PRKN: variants seen among roughly 807,000 people sequenced by gnomAD.
The protein encoded by PRKN is E3 ubiquitin-protein ligase parkin.
A neutral mutation model predicts 59.5 loss-of-function variants in PRKN; 56 were observed. That is an observed-to-expected ratio of 0.94 (90% CI 0.76 to 1.18). The LOEUF (loss-of-function observed/expected upper bound fraction) is 1.18. Among genes scored for constraint, PRKN ranks in the 50% most tolerant of loss-of-function variants. The pLI, the probability that PRKN is intolerant of heterozygous loss-of-function variation, is 0.00. For missense variants in PRKN, 657 were observed against 596.4 expected (o/e 1.10, Z -1.06); for synonymous variants, 250 against 222.1 (o/e 1.13, Z -1.12).
chr6:162,472,645 G>A (rs1165623743), intron 1 of PRKN, among the ~76,000 whole-genome samples: 1 of 124,960 alleles, frequency 8.0e-6, no homozygotes, highest in African/African-American at 2.9e-5. Context: ...CCGCCACCAC[G>A]CCCGGCTAAT....
intron 5 of PRKN, among the ~76,000 whole-genome samples, chr6:162,034,051 G>A (rs1156288568): frequency 6.6e-6 from 1 of 151,850 alleles, no homozygotes. Flanking sequence ...GTATCATAAT[G>A]TTTGAAAGTT....
intron 2 of PRKN, among the ~76,000 whole-genome samples, chr6:162,338,730 G>A (rs963650073): frequency 1.2e-4 from 19 of 152,016 alleles, no homozygotes; most frequent in African/African-American, 3.9e-4. Flanking sequence ...GGGATGTGAG[G>A]AGCCCCTCTG....
At chr6:161,623,681 C>T (rs943615794) in intron 7 of PRKN, among the ~76,000 whole-genome samples, 1 of 152,088 alleles carries the variant, frequency 6.6e-6, no homozygotes, top group Admixed American at 6.5e-5. Context: ...TACCTTAGTG[C>T]CTGTGTATAC....
intron 4 of PRKN, among the ~76,000 whole-genome samples, chr6:162,149,118 C>T (rs995857226): frequency 5.3e-5 from 8 of 152,248 alleles, no homozygotes; most frequent in Non-Finnish European, 1.0e-4. Context: ...CCCAGTAGGA[C>T]AATTCATTGT....
At chr6:162,126,548 T>C (rs1244048030) in intron 4 of PRKN, among the ~76,000 whole-genome samples, 2 of 152,210 alleles carry the variant, frequency 1.3e-5, no homozygotes, top group African/African-American at 2.4e-5. Context: ...AGTTTTCTCA[T>C]TGACAAATTA....
At chr6:162,235,611 G>A (rs1562601692) in intron 3 of PRKN, among the ~76,000 whole-genome samples, 1 of 152,010 alleles carries the variant, frequency 6.6e-6, no homozygotes, top group African/African-American at 2.4e-5. Context: ...TTCGAGACTA[G>A]CCTGGCCAAC....
At chr6:162,490,558 A>T (rs994631118) in intron 1 of PRKN, among the ~76,000 whole-genome samples, 7 of 152,214 alleles carry the variant, frequency 4.6e-5, no homozygotes, top group African/African-American at 1.7e-4. Context: ...TTAAGACTCT[A>T]AACAAAGTAT....
chr6:161,541,549 G>T (rs555002187), intron 9 of PRKN, among the ~76,000 whole-genome samples: 28 of 152,166 alleles, frequency 1.8e-4, no homozygotes, highest in Non-Finnish European at 3.1e-4. Context: ...GGTCAGGTGC[G>T]GTGGCTCACG....
intron 2 of PRKN, among the ~76,000 whole-genome samples, chr6:162,403,373 C>A (rs772608183): frequency 6.6e-6 from 1 of 152,106 alleles, no homozygotes; most frequent in African/African-American, 2.4e-5. Context: ...TACTCAAATG[C>A]CTTCTTGTCA....
Position 161,456,069 on chromosome 6 carries a change from T to C in PRKN, c.1084-69192A>G, listed in dbSNP as rs915136713. ...CTCTAGGGGAAGCAAAGGGCTCCTG[T>C]GTTGTGATGGTTAATATTGAGTGTC... On this transcript the variant is annotated intron_variant, in intron 9 of 11. Coordinates refer to ENST00000366898, the MANE Select transcript of PRKN (RefSeq NM_004562.3). This position sits in a 1 kb window ranked among gnomAD's most constrained non-coding sequence, Gnocchi z 4.8. Among the ~76,000 whole-genome samples, 2 of 152,126 alleles carry C rather than the reference T, an allele frequency of 1.3e-5. No homozygotes were observed. Among genetic ancestry groups the C allele is most frequent in the Non-Finnish European group, 1.5e-5 (1 of 68,012 alleles).
intron 5 of PRKN, among the ~76,000 whole-genome samples, chr6:162,001,523 T>G (rs1347944734): frequency 9.8e-6 from 1 of 101,818 alleles, no homozygotes; most frequent in East Asian, 3.1e-4. Flanking sequence ...TTGCTATAAT[T>G]ACTAACTAGT....
chr6:161,452,898 T>C (rs538228982), intron 9 of PRKN, among the ~76,000 whole-genome samples: 2 of 151,854 alleles, frequency 1.3e-5, no homozygotes, highest in East Asian at 1.9e-4. Flanking sequence ...TTTATATATA[T>C]ATAAAATACC....
At chr6:162,495,869 C>T (rs557202142) in intron 1 of PRKN, among the ~76,000 whole-genome samples, 1 of 152,296 alleles carries the variant, frequency 6.6e-6, no homozygotes, top group African/African-American at 2.4e-5. Flanking sequence ...CCGGGGTCAC[C>T]AACTCCTGCC....
At chr6:162,514,972 T>C (rs1777783173) in intron 1 of PRKN, among the ~76,000 whole-genome samples, 1 of 151,944 alleles carries the variant, frequency 6.6e-6, no homozygotes, top group Non-Finnish European at 1.5e-5. Flanking sequence ...ATTGCAAGAG[T>C]GATATACAAA....
intron 6 of PRKN, among the ~76,000 whole-genome samples, chr6:161,907,323 G>GA (rs920952672): frequency 2.7e-5 from 4 of 150,152 alleles, no homozygotes; most frequent in East Asian, 3.9e-4. Context: ...AGACTATTTG[G>GA]AAAAAAAAAG....
chr6:161,407,943 G>C lies in PRKN; in HGVS notation c.1084-21066C>G, dbSNP rs1787353239. 6.6e-6 allele frequency among the ~76,000 whole-genome samples: 1 copy of C among 152,154 alleles called. No individual in the cohort carries two copies. Among genetic ancestry groups the C allele is most frequent in the East Asian group, 1.9e-4 (1 of 5,182 alleles). Reference sequence around the variant, plus strand: ...CTGTAACTTTCCACTGCCTACCCAAGTCCTATAAAGCTGCCCCTCTCCTAT... The same window carrying C: ...CTGTAACTTTCCACTGCCTACCCAACTCCTATAAAGCTGCCCCTCTCCTAT... On this transcript the variant is annotated intron_variant, in intron 9 of 11. Coordinates refer to ENST00000366898, the MANE Select transcript of PRKN (RefSeq NM_004562.3). This position sits in a 1 kb window ranked among gnomAD's most constrained non-coding sequence, Gnocchi z 4.9.
At position 161,642,428 on chromosome 6, in the gene PRKN, G is replaced by A. The variant is rs769128337; in HGVS notation, c.872-73012C>T. On this transcript the variant is annotated intron_variant, in intron 7 of 11. Transcript: ENST00000366898. ...CAGTGCTTATTTTAATTAAAAATTT[G>A]TTCTCTTTCTAGAATTATTGTGATA... Among the ~76,000 whole-genome samples the A allele has an allele frequency of 2.0e-5, 3 of 152,216 alleles. No homozygotes were observed. The South Asian group carries it at 6.2e-4, about 32-fold the overall frequency.
At chr6:162,320,146 T>G (rs931952532) in intron 2 of PRKN, among the ~76,000 whole-genome samples, 1 of 151,780 alleles carries the variant, frequency 6.6e-6, no homozygotes, top group Non-Finnish European at 1.5e-5. Flanking sequence ...CATGATTCCA[T>G]GTTTTCTATG....
chr6:161,539,006 T>C (rs138311156), intron 9 of PRKN, among the ~76,000 whole-genome samples: 1 of 152,320 alleles, frequency 6.6e-6, no homozygotes, highest in Non-Finnish European at 1.5e-5. Context: ...TTCTTCATCA[T>C]GCCATGAGGC....
Sources: gnomAD v4.1 joint callset for allele counts (sites outside exome capture counted in the v4.1 genomes callset) on GRCh38, gnomAD v4.1.1 for gene constraint, Gnocchi (gnomAD v3.1) non-coding constraint, MANE v1.5 for transcripts, NCBI Gene and HGNC (gene_info 2026-07-23, HGNC 2026-07-21) for gene names.